NFATC2: variants seen among roughly 807,000 people sequenced by gnomAD.
NFATC2 encodes the protein nuclear factor of activated T cells 2.
A neutral mutation model predicts 87.3 loss-of-function variants in NFATC2; 22 were observed. The ratio of observed to expected loss-of-function variants is 0.25; its 90% CI spans 0.18 to 0.36. The LOEUF is 0.36. NFATC2 is among the 10% of genes least tolerant of loss of function. The pLI, the probability that NFATC2 is intolerant of heterozygous loss-of-function variation, is 1.00. For missense variants in NFATC2, 1,149 were observed against 1,259.1 expected (o/e 0.91, Z 1.32); for synonymous variants, 565 against 542.2 (o/e 1.04, Z -0.58).
At chr20:51,391,476 G>C (rs201615099) in intron 10 of NFATC2, 25 bp from the exon 11 acceptor site, 40 of 1,585,374 alleles carry the variant, frequency 2.5e-5, no homozygotes, top group African/African-American at 1.9e-4. Context: ...AGGAGGGGGG[G>C]GGAGAGAGAA....
At chr20:51,553,356 T>C (rs900459372) in intron 1 of NFATC2, among the ~76,000 whole-genome samples, 5 of 152,150 alleles carry the variant, frequency 3.3e-5, no homozygotes, top group Admixed American at 1.3e-4. Context: ...CACGTTCCCC[T>C]CTGTCTTGGG....
At chr20:51,411,079 A>G (rs892835647) in intron 9 of NFATC2, among the ~76,000 whole-genome samples, 1 of 152,138 alleles carries the variant, frequency 6.6e-6, no homozygotes, top group Non-Finnish European at 1.5e-5. Flanking sequence ...AGCAATCTAC[A>G]TGTACTAACC....
chr20:51,405,186 G>A (rs1191788874), intron 9 of NFATC2, among the ~76,000 whole-genome samples: 1 of 152,124 alleles, frequency 6.6e-6, no homozygotes, highest in East Asian at 1.9e-4. Context: ...GACAGGACAT[G>A]CCCCCCAAAT....
intron 10 of NFATC2, among the ~76,000 whole-genome samples, chr20:51,395,356 T>C (rs1366355866): frequency 3.4e-5 from 5 of 146,258 alleles, no homozygotes; most frequent in Non-Finnish European, 7.5e-5. Flanking sequence ...TGTACGGTAT[T>C]GATCCTCTTT....
intron 1 of NFATC2, among the ~76,000 whole-genome samples, chr20:51,531,055 T>G (rs768965093): frequency 6.6e-5 from 10 of 152,212 alleles, no homozygotes; most frequent in Non-Finnish European, 1.5e-4. Context: ...TGTAGTAAAT[T>G]ACTTGATCCT....
chr20:51,505,538 G>A (rs899437954), intron 3 of NFATC2, among the ~76,000 whole-genome samples: 1 of 151,680 alleles, frequency 6.6e-6, no homozygotes, highest in East Asian at 1.9e-4. Flanking sequence ...ACATGCATAC[G>A]AATGAAATTT....
chr20:51,458,484 A>G (rs1443113478), intron 5 of NFATC2, among the ~76,000 whole-genome samples: 1 of 151,150 alleles, frequency 6.6e-6, no homozygotes, highest in African/African-American at 2.4e-5. Flanking sequence ...GGACCCCAGC[A>G]TTGTTTTTAT....
intron 9 of NFATC2, among the ~76,000 whole-genome samples, chr20:51,405,551 G>T (rs1191230772): frequency 6.6e-6 from 1 of 152,170 alleles, no homozygotes; most frequent in Non-Finnish European, 1.5e-5. Context: ...GGCTCCTGTG[G>T]CCCTGGTGTT....
At chr20:51,439,062 A>T (rs965366341) in intron 6 of NFATC2, among the ~76,000 whole-genome samples, 2 of 152,170 alleles carry the variant, frequency 1.3e-5, no homozygotes, top group Non-Finnish European at 2.9e-5. Context: ...CACCACAAAG[A>T]TTCATGCAGA....
chr20:51,433,036 A>G (rs55717210), intron 8 of NFATC2, among the ~76,000 whole-genome samples: 1 of 152,110 alleles, frequency 6.6e-6, no homozygotes, highest in Admixed American at 6.5e-5. Flanking sequence ...TTTACAGCCT[A>G]TCTCTCCAGG....
At chr20:51,562,686 C>T (rs927048403), upstream of NFATC2, 3 of 1,498,248 alleles carry the variant, frequency 2.0e-6, no homozygotes, top group African/African-American at 2.8e-5. This position sits in a 1 kb window ranked among gnomAD's most constrained non-coding sequence, Gnocchi z 5.8. Context: ...TTGTATCGAC[C>T]AGCAGCCGAG....
Position 51,391,141 on chromosome 20 carries a change from C to A in NFATC2, c.*355G>T, listed in dbSNP as rs1986268119. 4.7e-6 allele frequency: 3 copies of A among 636,616 alleles called. No homozygotes were observed. In the Admixed American group the frequency reaches 6.3e-5, roughly 13 times the overall value. The allele number at this position is 636,616 out of a possible 1,614,324, so 39.4% of individuals were successfully genotyped here. A position where few individuals can be genotyped will look rare whatever the true frequency, so the allele number is the denominator to read the frequency against. On this transcript the variant is annotated 3_prime_UTR_variant, in exon 11 of 11. Transcript: ENST00000371564. ...TGTGCTTTTGGTCAGCAGGTGCTTA[C>A]TATTTGGACGGAACACCATTAAGAT...
rs546583511 is a variant in NFATC2, at chr20:51,425,005, C to T, written c.2722+7062G>A. 2.0e-5 allele frequency among the ~76,000 whole-genome samples: 3 copies of T among 151,988 alleles called. No individual in the cohort carries two copies. The East Asian group carries it at 5.8e-4, about 30-fold the overall frequency. ...AAGGGCTATGGTACATGAACAGACA[C>T]ATTGTGTGTCTATAGCACTGACATT... On this transcript the variant is annotated intron_variant, in intron 9 of 10. Coordinates refer to ENST00000371564, the MANE Select transcript of NFATC2 (RefSeq NM_012340.5).
chr20:51,398,764 A>C lies in NFATC2; in HGVS notation c.2723-34T>G, dbSNP rs199652303. The C allele has an allele frequency of 9.0e-6, 4 of 443,292 alleles. No individual in the cohort carries two copies. In the East Asian group the frequency reaches 4.5e-4, roughly 49 times the overall value. The allele number at this position is 443,292 out of a possible 1,614,324, so 27.5% of individuals were successfully genotyped here. A position where few individuals can be genotyped will look rare whatever the true frequency, so the allele number is the denominator to read the frequency against. On this transcript the variant is annotated intron_variant, in intron 9 of 10. Coordinates refer to ENST00000371564, the MANE Select transcript of NFATC2 (RefSeq NM_012340.5). ...GATTTGCAAAATCATTTTTGAGAAG[A>C]AAAAAAAAAATCACCTTTGATCTCT... is the stretch of plus-strand genomic sequence containing the variant.
At chr20:51,419,069 T>C (rs1980494966) in intron 9 of NFATC2, among the ~76,000 whole-genome samples, 1 of 152,220 alleles carries the variant, frequency 6.6e-6, no homozygotes, top group African/African-American at 2.4e-5. Flanking sequence ...GCAGAGACTC[T>C]GTTTCACATG....
chr20:51,542,594 G>A lies in NFATC2; in HGVS notation c.-95C>T. 3 of 1,244,170 alleles carry A rather than the reference G, an allele frequency of 2.4e-6. No homozygotes were observed. The highest frequency in any genetic ancestry group is 2.0e-6 in the Non-Finnish European group (2 of 990,046). The allele number at this position is 1,244,170 out of a possible 1,614,324, so 77.1% of individuals were successfully genotyped here. A position where few individuals can be genotyped will look rare whatever the true frequency, so the allele number is the denominator to read the frequency against. On this transcript the variant is annotated 5_prime_UTR_variant, in exon 1 of 11. Transcript: ENST00000371564. Reference sequence around the variant, plus strand: ...AGTGGGGCTGGCGGAGGCGGCTCGAGCGGCGGGGTCCCTTTCCTCGTAGGG... The same window carrying A: ...AGTGGGGCTGGCGGAGGCGGCTCGAACGGCGGGGTCCCTTTCCTCGTAGGG...
intron 4 of NFATC2, 29 bp from the exon 5 acceptor site, chr20:51,474,181 A>AC: frequency 6.2e-7 from 1 of 1,609,472 alleles, no homozygotes; most frequent in Non-Finnish European, 8.5e-7. Flanking sequence ...CCCCATTGTC[A>AC]CCAACTACCT....
chr20:51,433,541 C>A (rs893978957), intron 8 of NFATC2, among the ~76,000 whole-genome samples: 2 of 152,170 alleles, frequency 1.3e-5, no homozygotes, highest in African/African-American at 4.8e-5. Context: ...CTATGATCAT[C>A]CATCATGACT....
At chr20:51,421,786 CA>C (rs1475308136) in intron 9 of NFATC2, among the ~76,000 whole-genome samples, 1 of 152,112 alleles carries the variant, frequency 6.6e-6, no homozygotes, top group Non-Finnish European at 1.5e-5. Flanking sequence ...CCGTGTGGGC[CA>C]AACAAAATAT....
Sources: gnomAD v4.1 joint callset for allele counts (sites outside exome capture counted in the v4.1 genomes callset) on GRCh38, gnomAD v4.1.1 for gene constraint, Gnocchi (gnomAD v3.1) non-coding constraint, MANE v1.5 for transcripts, NCBI Gene and HGNC (gene_info 2026-07-23, HGNC 2026-07-21) for gene names.